TCOF1: variants seen among roughly 807,000 people sequenced by gnomAD.
TCOF1 encodes the protein treacle protein.
A neutral mutation model predicts 149.0 loss-of-function variants in TCOF1; 33 were observed. The ratio of observed to expected loss-of-function variants is 0.22; its 90% CI spans 0.17 to 0.30. TCOF1 has a LOEUF of 0.30. Among genes scored for constraint, TCOF1 ranks in the 10% least tolerant of loss-of-function variants. The probability of loss-of-function intolerance (pLI) is 1.00; values close to 1 mark genes in which losing one functional copy is unlikely to be tolerated. For missense variants in TCOF1, 1,728 were observed against 1,840.7 expected, an observed-to-expected ratio of 0.94 and a Z score of 1.12; for synonymous variants, 789 against 738.8, an observed-to-expected ratio of 1.07 and a Z score of -1.10.
At chr5:150,369,653 C>A in intron 6 of TCOF1, 51 bp downstream of exon 6, 1 of 1,598,364 alleles carries the variant, frequency 6.3e-7, no homozygotes. Context: ...TCTAACCCTT[C>A]CAGGAACCTG....
At chr5:150,369,628 T>G in intron 6 of TCOF1, 26 bp downstream of exon 6, 1 of 1,613,344 alleles carries the variant, frequency 6.2e-7, no homozygotes, top group Non-Finnish European at 8.5e-7. Flanking sequence ...CCCTAGGAGT[T>G]GCCCTCTCCC....
In TCOF1 at chr5:150,395,550, T is replaced by C. The variant is rs55829934; in HGVS notation, c.3785-732T>C. On this transcript the variant is annotated intron_variant, in intron 23 of 26. Coordinates refer to ENST00000643257, the MANE Select transcript of TCOF1 (RefSeq NM_001371623.1). ...GGGCTGTGGAAGGTTTTTTTTTTTTTACACGTGTAGTCAGCACACAATTAT... is the reference window on the plus strand; with the variant it reads ...GGGCTGTGGAAGGTTTTTTTTTTTTCACACGTGTAGTCAGCACACAATTAT... Among the ~76,000 whole-genome samples, 5 of 151,766 alleles carry C rather than the reference T, an allele frequency of 3.3e-5. No homozygotes were observed. The South Asian group carries it at 8.3e-4, about 25-fold the overall frequency.
intron 5 of TCOF1, 113 bp from the exon 6 acceptor site, chr5:150,369,416 G>A (rs1486084365): frequency 2.4e-6 from 3 of 1,233,086 alleles, no homozygotes; most frequent in African/African-American, 3.0e-5. Context: ...CACACGAGGG[G>A]TGAGCGCTCA....
intron 1 of TCOF1, among the ~76,000 whole-genome samples, chr5:150,360,288 T>C (rs900234332): frequency 6.6e-6 from 1 of 152,230 alleles, no homozygotes; most frequent in Admixed American, 6.5e-5. Flanking sequence ...TCCTGGCTTA[T>C]TGACATTTAC....
chr5:150,392,973 T>C (rs1219753059), intron 22 of TCOF1, 183 bp downstream of exon 22: 14 of 721,938 alleles, frequency 1.9e-5, no homozygotes, highest in Non-Finnish European at 2.9e-5. Flanking sequence ...CCAGGCTGCC[T>C]CCGTCCCCTC....
Position 150,365,468 on chromosome 5 carries a change from G to A in TCOF1, c.304+1216G>A, listed in dbSNP as rs150464640. ...AAGAGCATATAGAAGAAAACTTAAA[G>A]GTTTTTTGTTGTCCTACCCTGTTCC... On this transcript the variant is annotated intron_variant, in intron 3 of 26. Coordinates refer to ENST00000643257, the MANE Select transcript of TCOF1 (RefSeq NM_001371623.1). Among the ~76,000 whole-genome samples the A allele has an allele frequency of 1.3e-3, 193 of 152,074 alleles. 1 individual carries two copies. Among genetic ancestry groups the A allele is most frequent in the African/African-American group, 4.6e-3 (189 of 41,488 alleles).
At chr5:150,388,110 T>G (rs1766652958) in intron 18 of TCOF1, 22 bp downstream of exon 18, 1 of 1,611,524 alleles carries the variant, frequency 6.2e-7, no homozygotes. Flanking sequence ...CCTTATGCAG[T>G]GGTGGGAGGG....
chr5:150,376,227 C>T lies in TCOF1; in HGVS notation c.2039C>T (p.Pro680Leu), dbSNP rs372088099. Residue 680 changes from proline to leucine, a missense_variant, in exon 13 of 27, where the codon CCA becomes CTA. Physicochemically the swap from Pro to Leu is moderately conservative, Grantham distance 98. This residue lies in a region of TCOF1 where 1,696 missense variants were observed against 1,765.4 expected (regional missense o/e 0.96). Coordinates refer to ENST00000643257, the MANE Select transcript of TCOF1 (RefSeq NM_001371623.1). ...GCGACTTCTCCAGCAGGCTCATCCC[C>T]AGCTGTGGCTGGGGGCACCCAGAGA... ...GTATSPAGSS[P>L]AVAGGTQRPA... The T allele has an allele frequency of 6.1e-5, 98 of 1,614,240 alleles. 1 individual carries two copies. The South Asian group carries it at 9.3e-4, about 15-fold the overall frequency.
At chr5:150,398,178 T>G (rs1232115639) in intron 24 of TCOF1, among the ~76,000 whole-genome samples, 176 bp from the exon 25 acceptor site, 1 of 152,088 alleles carries the variant, frequency 6.6e-6, no homozygotes, top group African/African-American at 2.4e-5. Flanking sequence ...CGCCTCAGCC[T>G]CCCAAAGTGC....
rs1017577419 is a variant in TCOF1, at chr5:150,398,888, T to G, written c.4444-134T>G. 7.3e-6 allele frequency: 9 copies of G among 1,226,326 alleles called. No homozygotes were observed. The Admixed American group carries it at 9.6e-5, about 13-fold the overall frequency. 76.0% of individuals were successfully genotyped at this position (1,226,326 alleles called of 1,614,324 possible). A position where few individuals can be genotyped will look rare whatever the true frequency, so the allele number is the denominator to read the frequency against. On this transcript the variant is annotated intron_variant, in intron 25 of 26. Coordinates refer to ENST00000643257, the MANE Select transcript of TCOF1 (RefSeq NM_001371623.1). The stretch of plus-strand genomic sequence containing the variant: ...TATTTAGGAGAGCTGAACATCTGTT[T>G]GCCTCTGCCCTTGGAGGTCGCTGCA...
Position 150,361,259 on chromosome 5 carries a change from A to G in TCOF1, c.164+48A>G, listed in dbSNP as rs776124125. The G allele has an allele frequency of 7.5e-6, 12 of 1,603,280 alleles. No homozygotes were observed. The East Asian group carries it at 2.7e-4, about 36-fold the overall frequency. ...TGGAGTAGGGACGGACACCCCAAGCAACTCAGCTTGGAATAAGCTGGGATA... is the reference window on the plus strand; with the variant it reads ...TGGAGTAGGGACGGACACCCCAAGCGACTCAGCTTGGAATAAGCTGGGATA... On this transcript the variant is annotated intron_variant, in intron 2 of 26. Coordinates refer to ENST00000643257, the MANE Select transcript of TCOF1 (RefSeq NM_001371623.1).
chr5:150,384,878 T>G, intron 17 of TCOF1: 2 of 985,414 alleles, frequency 2.0e-6, no homozygotes, highest in African/African-American at 3.5e-5. Flanking sequence ...CAGTCTGATT[T>G]TATTAGCCCA....
In TCOF1 at chr5:150,377,030, A is replaced by G. The variant is rs560157371; in HGVS notation, c.2340+410A>G. The stretch of plus-strand genomic sequence containing the variant: ...GCTGCGCAGCATGACAGGTGAGAGC[A>G]TCTAGGCCTTTTACAGGAGGTGGCA... On this transcript the variant is annotated intron_variant, in intron 14 of 26. Coordinates refer to ENST00000643257, the MANE Select transcript of TCOF1 (RefSeq NM_001371623.1). Among the ~76,000 whole-genome samples, 3 of 152,350 alleles carry G rather than the reference A, an allele frequency of 2.0e-5. No individual in the cohort carries two copies. In the East Asian group the frequency reaches 5.8e-4, roughly 29 times the overall value.
intron 17 of TCOF1, among the ~76,000 whole-genome samples, 189 bp from the exon 18 acceptor site, chr5:150,387,713 G>T (rs919283334): frequency 4.6e-5 from 7 of 152,180 alleles, no homozygotes; most frequent in Non-Finnish European, 8.8e-5. Context: ...GTTGTGAAGT[G>T]CTGTGCTGGG....
chr5:150,396,137 A>G, intron 23 of TCOF1, 145 bp from the exon 24 acceptor site: 1 of 891,900 alleles, frequency 1.1e-6, no homozygotes, highest in Admixed American at 1.9e-5. Flanking sequence ...CAGCTGGGGC[A>G]GAGTGACCGC....
chr5:150,398,709 CTG>C (rs2151138966), intron 25 of TCOF1, among the ~76,000 whole-genome samples: 1 of 152,372 alleles, frequency 6.6e-6, no homozygotes, highest in African/African-American at 2.4e-5. Context: ...ACCAGGTAGA[CTG>C]TGGCAGGTTT....
intron 17 of TCOF1, chr5:150,382,920 T>TGC: frequency 3.1e-6 from 2 of 635,046 alleles, no homozygotes. Context: ...GGCCAGCAGG[T>TGC]ATCCCTGTGC....
chr5:150,368,427 A>G (rs1212616302), intron 4 of TCOF1: 4 of 468,454 alleles, frequency 8.5e-6, no homozygotes, highest in South Asian at 4.8e-5. Flanking sequence ...ATTAGCAACA[A>G]TGTCTCAAAG....
intron 18 of TCOF1, among the ~76,000 whole-genome samples, chr5:150,389,589 G>A (rs1766989067): frequency 6.6e-6 from 1 of 152,246 alleles, no homozygotes; most frequent in African/African-American, 2.4e-5. Flanking sequence ...GTCGTTTGGT[G>A]CCGGTGCTCT....
Sources: gnomAD v4.1 joint callset for allele counts (sites outside exome capture counted in the v4.1 genomes callset) on GRCh38, gnomAD v4.1.1 for gene constraint, gnomAD v4.1.1 regional missense constraint, MANE v1.5 for transcripts, NCBI Gene and HGNC (gene_info 2026-07-23, HGNC 2026-07-21) for gene names.